Variants in PREX2 observed in about 807,000 individuals in gnomAD.
PREX2 encodes phosphatidylinositol 3,4,5-trisphosphate-dependent Rac exchanger 2 protein.
A neutral mutation model predicts 203.2 loss-of-function variants in PREX2; 107 were observed. The ratio of observed to expected loss-of-function variants is 0.53; its 90% CI spans 0.45 to 0.62. PREX2 has a LOEUF of 0.62. Among genes scored for constraint, PREX2 ranks in the 20% least tolerant of loss-of-function variants. The pLI, the probability that PREX2 is intolerant of heterozygous loss-of-function variation, is 0.00. For missense variants in PREX2, 1,777 were observed against 1,955.9 expected (o/e 0.91, Z 1.72); for synonymous variants, 672 against 663.6 (o/e 1.01, Z -0.19).
At chr8:68,023,335 T>C (rs1807623291) in intron 4 of PREX2, among the ~76,000 whole-genome samples, 1 of 152,202 alleles carries the variant, frequency 6.6e-6, no homozygotes, top group Non-Finnish European at 1.5e-5. Flanking sequence ...GGGTGTGTAG[T>C]GCTATCTCAT....
In PREX2 at chr8:68,030,517, AC is replaced by A; in HGVS notation, c.565del (p.Arg189GlyfsTer9). Reference sequence around the variant, plus strand: ...AACAGGAGTTGCTGAAGCGGACTCCACGGAAACACAGTGACTATGCAGCAGT... The same window carrying A: ...AACAGGAGTTGCTGAAGCGGACTCCAGGAAACACAGTGACTATGCAGCAGT... Reference protein sequence around the residue: ...ILKELLKRTPRKHSDYAAVME... With the variant: ...ILKELLKRTPXKHSDYAAVME... On this transcript the variant is annotated frameshift_variant, in exon 6 of 40. Transcript: ENST00000288368. LOFTEE classifies it high-confidence loss of function. 6.2e-7 allele frequency: 1 copy of A among 1,613,302 alleles called. No homozygotes were observed. The highest frequency in any genetic ancestry group is 8.5e-7 in the Non-Finnish European group (1 of 1,179,458).
intron 21 of PREX2, chr8:68,095,208 G>A (rs1371793200): frequency 1.3e-5 from 2 of 152,040 alleles, no homozygotes; most frequent in Non-Finnish European, 2.9e-5. Flanking sequence ...CCTTAGACGT[G>A]ATTCATTAAA....
At chr8:68,036,355 T>C (rs926061234) in intron 6 of PREX2, among the ~76,000 whole-genome samples, 1 of 152,198 alleles carries the variant, frequency 6.6e-6, no homozygotes, top group Non-Finnish European at 1.5e-5. Flanking sequence ...TTGTTAAGAA[T>C]GCATCTACTA....
intron 37 of PREX2, among the ~76,000 whole-genome samples, chr8:68,208,135 G>C (rs1356547340): frequency 6.6e-6 from 1 of 152,164 alleles, no homozygotes; most frequent in Non-Finnish European, 1.5e-5. Flanking sequence ...TTAGAGTGAG[G>C]TTGCACCAAT....
chr8:68,186,660 C>T (rs1233125499), intron 35 of PREX2, among the ~76,000 whole-genome samples: 1 of 151,988 alleles, frequency 6.6e-6, no homozygotes, highest in Non-Finnish European at 1.5e-5. Context: ...ATTACAGGCA[C>T]TCGCCACCAC....
chr8:67,966,362 G>C (rs190974176), intron 1 of PREX2, among the ~76,000 whole-genome samples: 162 of 151,328 alleles, frequency 1.1e-3, no homozygotes, highest in African/African-American at 3.5e-3. Flanking sequence ...ACAATTCAAA[G>C]TTCCAACTCC....
At chr8:67,999,160 A>G (rs1399126937) in intron 1 of PREX2, among the ~76,000 whole-genome samples, 1 of 152,174 alleles carries the variant, frequency 6.6e-6, no homozygotes, top group African/African-American at 2.4e-5. Context: ...TACAAAAACC[A>G]TTCAAAAGAT....
rs184785682 is a variant in PREX2 at position 68,105,422 on chromosome 8, T to C, written c.2716-2687T>C. On this transcript the variant is annotated intron_variant, in intron 23 of 39. Coordinates refer to ENST00000288368, the MANE Select transcript of PREX2 (RefSeq NM_024870.4). ...ACACAGTACACAGCCCTTCCTAGCA[T>C]GTGGGCAGGGGGACATCCTGTATTC... is the stretch of plus-strand genomic sequence containing the variant. The C allele has an allele frequency of 6.3e-6, 8 of 1,261,688 alleles. No homozygotes were observed. In the African/African-American group the frequency reaches 1.1e-4, roughly 17 times the overall value. The allele number at this position is 1,261,688 out of a possible 1,614,324, so 78.2% of individuals were successfully genotyped here.
At chr8:67,986,680 G>A (rs914532268) in intron 1 of PREX2, among the ~76,000 whole-genome samples, 9 of 152,128 alleles carry the variant, frequency 5.9e-5, no homozygotes, top group African/African-American at 1.4e-4. Context: ...CACCCAGCAT[G>A]GTGCCTTTCT....
At chr8:68,061,433 A>G (rs2129611356) in intron 11 of PREX2, among the ~76,000 whole-genome samples, 1 of 152,326 alleles carries the variant, frequency 6.6e-6, no homozygotes, top group East Asian at 1.9e-4. Flanking sequence ...GTGCAGCAGC[A>G]CGGAGCCTGA....
At chr8:68,000,120 A>T (rs910987559) in intron 1 of PREX2, among the ~76,000 whole-genome samples, 1 of 152,130 alleles carries the variant, frequency 6.6e-6, no homozygotes, top group Non-Finnish European at 1.5e-5. Context: ...GGTCAGGGCA[A>T]TTAGGCAAGA....
At chr8:68,068,807 T>A (rs1176560251) in intron 11 of PREX2, among the ~76,000 whole-genome samples, 2 of 150,968 alleles carry the variant, frequency 1.3e-5, no homozygotes, top group Non-Finnish European at 3.0e-5. Context: ...AACGTCAGTT[T>A]ATTTCTCAAA....
At chr8:68,061,402 A>G (rs1283416113) in intron 11 of PREX2, among the ~76,000 whole-genome samples, 1 of 152,198 alleles carries the variant, frequency 6.6e-6, no homozygotes, top group Non-Finnish European at 1.5e-5. Flanking sequence ...CATGATCAGA[A>G]CTCAGGTCCA....
intron 11 of PREX2, among the ~76,000 whole-genome samples, chr8:68,061,675 C>T (rs1266645586): frequency 6.6e-6 from 1 of 152,138 alleles, no homozygotes; most frequent in Non-Finnish European, 1.5e-5. Context: ...ACTGAGATAG[C>T]TAATTCAGGA....
intron 35 of PREX2, among the ~76,000 whole-genome samples, chr8:68,182,112 A>T (rs1812096706): frequency 6.6e-6 from 1 of 152,148 alleles, no homozygotes; most frequent in Non-Finnish European, 1.5e-5. Context: ...GTACTTAAGG[A>T]TCTTGAATTT....
chr8:68,162,798 C>T (rs1366385429), intron 35 of PREX2, among the ~76,000 whole-genome samples: 2 of 152,098 alleles, frequency 1.3e-5, no homozygotes, highest in African/African-American at 4.8e-5. Flanking sequence ...GGACTTGTCC[C>T]CAGACCTCAC....
chr8:68,187,718 A>C (rs190028631), intron 35 of PREX2, among the ~76,000 whole-genome samples: 1 of 152,318 alleles, frequency 6.6e-6, no homozygotes, highest in East Asian at 1.9e-4. Context: ...TCCAGCTTTG[A>C]GATGCCGCCT....
At chr8:68,131,118 G>A (rs1811001465) in intron 31 of PREX2, among the ~76,000 whole-genome samples, 2 of 152,202 alleles carry the variant, frequency 1.3e-5, no homozygotes, top group Non-Finnish European at 2.9e-5. Context: ...ACTGCTTTCA[G>A]ATATGTTGTT....
chr8:68,171,523 A>C (rs1811877011), intron 35 of PREX2, among the ~76,000 whole-genome samples: 1 of 152,150 alleles, frequency 6.6e-6, no homozygotes, highest in Non-Finnish European at 1.5e-5. Context: ...AATGCGATGA[A>C]TATGAAGAAT....
Sources: allele counts gnomAD v4.1 joint callset (sites outside exome capture counted in the v4.1 genomes callset), GRCh38; gene constraint gnomAD v4.1.1; transcripts MANE v1.5; gene names NCBI Gene and HGNC (gene_info 2026-07-23, HGNC 2026-07-21).